UBE2R2: variants seen among roughly 807,000 people sequenced by gnomAD.
UBE2R2 encodes ubiquitin-conjugating enzyme E2 R2.
In UBE2R2, 1 loss-of-function variant was observed where a neutral mutation model predicts 27.8. The observed-to-expected ratio is 0.04, with a 90% CI of 0.01 to 0.17. UBE2R2 has a LOEUF of 0.17. UBE2R2 is among the 10% of genes least tolerant of loss of function. UBE2R2 has a pLI of 1.00. For missense variants in UBE2R2, 100 were observed against 291.0 expected (o/e 0.34, Z 4.78); for synonymous variants, 106 against 113.3 (o/e 0.94, Z 0.41).
At chr9:33,836,943 T>A (rs1820627371) in intron 1 of UBE2R2, among the ~76,000 whole-genome samples, 1 of 152,102 alleles carries the variant, frequency 6.6e-6, no homozygotes, top group South Asian at 2.1e-4. Context: ...AAAGATGATG[T>A]TTGAAATTCA....
At chr9:33,885,448 A>G (rs1049155670) in intron 1 of UBE2R2, among the ~76,000 whole-genome samples, 1 of 152,200 alleles carries the variant, frequency 6.6e-6, no homozygotes, top group African/African-American at 2.4e-5. Flanking sequence ...ATGTTTTCAT[A>G]TTGGCCAAGC....
At chr9:33,887,046 A>G (rs937327644) in intron 2 of UBE2R2, 79 bp downstream of exon 2, 1 of 1,135,524 alleles carries the variant, frequency 8.8e-7, no homozygotes, top group African/African-American at 1.6e-5. Flanking sequence ...ATCTCAGCAC[A>G]CTTTGATACT....
intron 1 of UBE2R2, among the ~76,000 whole-genome samples, chr9:33,864,617 A>G (rs1487310502): frequency 6.6e-6 from 1 of 151,904 alleles, no homozygotes; most frequent in Non-Finnish European, 1.5e-5. Flanking sequence ...TGTTGCAGTC[A>G]TAGTCCACTG....
chr9:33,904,845 T>C (rs911632723), intron 3 of UBE2R2, among the ~76,000 whole-genome samples: 4 of 152,154 alleles, frequency 2.6e-5, no homozygotes, highest in African/African-American at 9.7e-5. Context: ...TCTTCCTGAA[T>C]TGGAAAGTTT....
rs540364601 is a variant in UBE2R2 at position 33,873,174 on chromosome 9, T to TAA, written c.178-13685_178-13684dup. Among the ~76,000 whole-genome samples, 304 of 109,142 alleles carry TAA rather than the reference T, an allele frequency of 2.8e-3. 1 individual carries two copies. The highest frequency in any genetic ancestry group is 0.011 in the East Asian group (36 of 3,216). 71.6% of individuals were successfully genotyped at this position (109,142 alleles called of 152,430 possible). On this transcript the variant is annotated intron_variant, in intron 1 of 4. Transcript: ENST00000263228. ...TGAGCGACAGAGCAAGACTCCGTCT[T>TAA]AAAAAAAAAAAAAAAAAAAAAAAGA...
rs1037010970 is a variant in UBE2R2, at chr9:33,917,942, A to G, written c.*705A>G. 4 of 153,730 alleles carry G rather than the reference A, an allele frequency of 2.6e-5. No homozygotes were observed. Among genetic ancestry groups the G allele is most frequent in the African/African-American group, 9.7e-5 (4 of 41,436 alleles). The allele number at this position is 153,730 out of a possible 1,614,324, so 9.5% of individuals were successfully genotyped here. On this transcript the variant is annotated 3_prime_UTR_variant, in exon 5 of 5. Transcript: ENST00000263228. ...GAGAAATCAGACTTTGTTTTTTGAA[A>G]TCGATTGGGATCGAAAGCCTGAAAT...
intron 1 of UBE2R2, among the ~76,000 whole-genome samples, chr9:33,879,619 A>G (rs780761409): frequency 1.3e-5 from 2 of 151,706 alleles, no homozygotes; most frequent in Non-Finnish European, 2.9e-5. Context: ...TGCTTGGCGA[A>G]TTTTTGTATT....
rs1240921727 is a variant in UBE2R2, at chr9:33,817,674, C to CGGAGG, written c.-76_-72dup. The CGGAGG allele has an allele frequency of 1.7e-6, 2 of 1,189,828 alleles. No individual in the cohort carries two copies. Among genetic ancestry groups the CGGAGG allele is most frequent in the Non-Finnish European group, 2.1e-6 (2 of 961,462 alleles). The allele number at this position is 1,189,828 out of a possible 1,614,324, so 73.7% of individuals were successfully genotyped here. A position where few individuals can be genotyped will look rare whatever the true frequency, so the allele number is the denominator to read the frequency against. On this transcript the variant is annotated 5_prime_UTR_variant, in exon 1 of 5. Transcript: ENST00000263228. The stretch of plus-strand genomic sequence containing the variant: ...CGGTGCTGCCCGGCCGGAGGGCGAG[C>CGGAGG]GGAGGGGAGGGGCCTGGTCCGGCCC...
At chr9:33,908,175 T>C (rs983974762) in intron 3 of UBE2R2, among the ~76,000 whole-genome samples, 1 of 152,222 alleles carries the variant, frequency 6.6e-6, no homozygotes, top group Non-Finnish European at 1.5e-5. Context: ...AACAGTATTA[T>C]CTCAGCAGTT....
chr9:33,856,731 A>G (rs1278882307), intron 1 of UBE2R2, among the ~76,000 whole-genome samples: 1 of 127,870 alleles, frequency 7.8e-6, no homozygotes, highest in South Asian at 2.4e-4. Context: ...TTTCCATTTT[A>G]TGTTGTTTCC....
At chr9:33,884,229 T>TCTCTCTCTCTCTCC (rs1313176322) in intron 1 of UBE2R2, among the ~76,000 whole-genome samples, 1 of 146,304 alleles carries the variant, frequency 6.8e-6, no homozygotes, top group African/African-American at 2.5e-5. Flanking sequence ...TCTCTCTCTC[T>TCTCTCTCTCTCTCC]CTCTCTTCCC....
At chr9:33,832,658 TA>T (rs374517545) in intron 1 of UBE2R2, among the ~76,000 whole-genome samples, 9,256 of 133,898 alleles carry the variant, frequency 0.069, 594 homozygotes, top group African/African-American at 0.18. Context: ...AGACTCCGTC[TA>T]AAAAAAAAAA....
chr9:33,883,492 G>C (rs970902909), intron 1 of UBE2R2, among the ~76,000 whole-genome samples: 6 of 152,058 alleles, frequency 3.9e-5, no homozygotes, highest in Non-Finnish European at 5.9e-5. Flanking sequence ...GAGGCAGGCA[G>C]ATCACGAGGT....
At chr9:33,837,489 G>A (rs956495519) in intron 1 of UBE2R2, among the ~76,000 whole-genome samples, 1 of 150,334 alleles carries the variant, frequency 6.7e-6, no homozygotes, top group South Asian at 2.1e-4. Flanking sequence ...GCAGTGGTGC[G>A]AACATAGCTT....
chr9:33,824,402 C>G (rs1431698593), intron 1 of UBE2R2, among the ~76,000 whole-genome samples: 1 of 151,812 alleles, frequency 6.6e-6, no homozygotes, highest in South Asian at 2.1e-4. Context: ...TTTGGGAGGC[C>G]GAGGCGGGCG....
intron 4 of UBE2R2, among the ~76,000 whole-genome samples, chr9:33,912,516 C>T (rs139765378): frequency 0.012 from 1,866 of 151,754 alleles, 10 homozygotes; most frequent in Non-Finnish European, 0.017. Context: ...CCCAGCTACT[C>T]AGGAGGCTGA....
chr9:33,850,689 T>TC, intron 1 of UBE2R2, among the ~76,000 whole-genome samples: 1 of 152,108 alleles, frequency 6.6e-6, no homozygotes, highest in African/African-American at 2.4e-5. Context: ...TTGTTCCTTT[T>TC]TTACATTTAA....
Position 33,919,378 on chromosome 9 carries a change from TCCC to T in UBE2R2, c.*2143_*2145del, listed in dbSNP as rs1212102561. On this transcript the variant is annotated 3_prime_UTR_variant, in exon 5 of 5. Transcript: ENST00000263228. Reference sequence around the variant, plus strand: ...GGAGCCCTAAAATTAAGCCTTTCATTCCCCTTTGCTAAAGCATCTCACTCCCAG... The same window carrying T: ...GGAGCCCTAAAATTAAGCCTTTCATTCTTTGCTAAAGCATCTCACTCCCAG... 1 of 152,026 alleles carries T rather than the reference TCCC, an allele frequency of 6.6e-6. No homozygotes were observed. The highest frequency in any genetic ancestry group is 2.4e-5 in the African/African-American group (1 of 41,372). 9.4% of individuals were successfully genotyped at this position (152,026 alleles called of 1,614,324 possible).
At position 33,841,644 on chromosome 9, in the gene UBE2R2, A is replaced by G. The variant is rs564002222; in HGVS notation, c.177+23710A>G. ...TGTTTCTAGGACAGAGTTATGGGTG[A>G]TATATATGTATATGTGTATATCTGT... On this transcript the variant is annotated intron_variant, in intron 1 of 4. Coordinates refer to ENST00000263228, the MANE Select transcript of UBE2R2 (RefSeq NM_017811.4). Among the ~76,000 whole-genome samples, 17 of 152,214 alleles carry G rather than the reference A, an allele frequency of 1.1e-4. No individual in the cohort carries two copies. In the South Asian group the frequency reaches 3.5e-3, roughly 32 times the overall value.
Sources: gnomAD v4.1 joint callset for allele counts (sites outside exome capture counted in the v4.1 genomes callset) on GRCh38, gnomAD v4.1.1 for gene constraint, MANE v1.5 for transcripts, NCBI Gene and HGNC (gene_info 2026-07-23, HGNC 2026-07-21) for gene names.